LDLRAD4: variants seen among roughly 807,000 people sequenced by gnomAD.
LDLRAD4 encodes the protein low-density lipoprotein receptor class A domain-containing protein 4.
LDLRAD4 carries 5 observed loss-of-function variants against 17.0 expected under a neutral mutation model. That is an observed-to-expected ratio of 0.29 (90% CI 0.15 to 0.62). The LOEUF is 0.62. LDLRAD4 is among the 20% of genes least tolerant of loss of function. LDLRAD4 has a pLI of 0.84. For missense variants in LDLRAD4, 340 were observed against 424.7 expected (o/e 0.80, Z 1.75); for synonymous variants, 168 against 171.8 (o/e 0.98, Z 0.17).
chr18:13,312,438 G>A (rs1260137271), intron 1 of LDLRAD4, among the ~76,000 whole-genome samples: 3 of 152,116 alleles, frequency 2.0e-5, no homozygotes, highest in Admixed American at 2.0e-4. Context: ...AAGGACCACA[G>A]GAAGGCATCA....
intron 3 of LDLRAD4, among the ~76,000 whole-genome samples, chr18:13,441,133 G>T (rs1288325163): frequency 1.3e-5 from 2 of 152,214 alleles, no homozygotes; most frequent in African/African-American, 2.4e-5. Context: ...CTTCCCAGGG[G>T]AGGAGGCCAG....
chr18:13,230,046 C>T (rs192515158), intron 1 of LDLRAD4, among the ~76,000 whole-genome samples: 4 of 152,294 alleles, frequency 2.6e-5, no homozygotes, highest in Admixed American at 2.6e-4. Context: ...TAGTATTGAG[C>T]GATGGGGCTT....
chr18:13,560,307 C>G (rs1021890340), intron 3 of LDLRAD4, among the ~76,000 whole-genome samples: 1 of 152,174 alleles, frequency 6.6e-6, no homozygotes, highest in Non-Finnish European at 1.5e-5. Flanking sequence ...GGAGTCTGTC[C>G]GGCTGCTCAC....
At chr18:13,640,272 A>G (rs2187028) in intron 4 of LDLRAD4, among the ~76,000 whole-genome samples, 2,431 of 136,804 alleles carry the variant, frequency 0.018, 86 homozygotes, top group African/African-American at 0.064. Flanking sequence ...CAGCCTGGGC[A>G]ACAGAGCGAG....
At chr18:13,283,989 G>A (rs1203568437) in intron 1 of LDLRAD4, among the ~76,000 whole-genome samples, 2 of 152,128 alleles carry the variant, frequency 1.3e-5, no homozygotes, top group Non-Finnish European at 2.9e-5. Flanking sequence ...TCACTATCAC[G>A]AGAATGGCAC....
At chr18:13,347,186 G>T (rs564755336) in intron 1 of LDLRAD4, among the ~76,000 whole-genome samples, 3 of 152,248 alleles carry the variant, frequency 2.0e-5, no homozygotes, top group African/African-American at 7.2e-5. Context: ...TTATAATTTG[G>T]CATGTTTTTG....
intron 1 of LDLRAD4, among the ~76,000 whole-genome samples, chr18:13,285,140 G>A (rs185282824): frequency 5.9e-5 from 9 of 152,340 alleles, no homozygotes; most frequent in African/African-American, 1.7e-4. Context: ...GTACAGAAGC[G>A]AAATGTGAAG....
intron 3 of LDLRAD4, among the ~76,000 whole-genome samples, chr18:13,619,301 A>G (rs1010017327): frequency 3.3e-5 from 5 of 152,116 alleles, no homozygotes; most frequent in African/African-American, 4.8e-5. Context: ...GCAGAGTCGA[A>G]GACTGTGTTC....
chr18:13,545,098 C>T (rs2094342118), intron 3 of LDLRAD4, among the ~76,000 whole-genome samples: 1 of 152,130 alleles, frequency 6.6e-6, no homozygotes, highest in South Asian at 2.1e-4. Context: ...AGGTCCTCAG[C>T]TGAGAGAGTG....
Position 13,573,029 on chromosome 18 carries a change from G to C in LDLRAD4, c.182-48088G>C, listed in dbSNP as rs149344383. 6.2e-3 allele frequency among the ~76,000 whole-genome samples: 938 copies of C among 152,358 alleles called. 9 individuals carry two copies. The highest frequency in any genetic ancestry group is 0.018 in the African/African-American group (737 of 41,592). The stretch of plus-strand genomic sequence containing the variant: ...TGTGGATGTTATTAGATGTTGGAAA[G>C]CTGCAGTGTTCATTTGGGAAGGAGT... On this transcript the variant is annotated intron_variant, in intron 3 of 5. Transcript: ENST00000359446.
intron 3 of LDLRAD4, among the ~76,000 whole-genome samples, chr18:13,567,712 AG>A (rs1270619026): frequency 6.6e-6 from 1 of 151,888 alleles, no homozygotes; most frequent in Admixed American, 6.6e-5. Context: ...AAATAGAGAA[AG>A]TTCCCTTTTG....
At chr18:13,260,824 C>T (rs1283317076) in intron 1 of LDLRAD4, among the ~76,000 whole-genome samples, 1 of 152,258 alleles carries the variant, frequency 6.6e-6, no homozygotes, top group Non-Finnish European at 1.5e-5. Context: ...GGGAGCTCAT[C>T]TCTGCTGAAT....
At chr18:13,403,384 G>C (rs954462530) in intron 2 of LDLRAD4, among the ~76,000 whole-genome samples, 2 of 152,210 alleles carry the variant, frequency 1.3e-5, no homozygotes, top group African/African-American at 4.8e-5. Flanking sequence ...CTGGTGCAGT[G>C]TCATAGACTG....
chr18:13,275,442 G>C (rs914850852), upstream of LDLRAD4, among the ~76,000 whole-genome samples: 1 of 152,196 alleles, frequency 6.6e-6, no homozygotes, highest in Admixed American at 6.5e-5. Flanking sequence ...TTGAAATTCA[G>C]AGCTATGGGC....
chr18:13,630,564 C>G (rs2041572611), intron 4 of LDLRAD4, among the ~76,000 whole-genome samples: 1 of 152,150 alleles, frequency 6.6e-6, no homozygotes, highest in Non-Finnish European at 1.5e-5. Flanking sequence ...TACATTCATT[C>G]ACTGGGAGGT....
chr18:13,348,567 C>T (rs1018425083), intron 1 of LDLRAD4, among the ~76,000 whole-genome samples: 3 of 152,276 alleles, frequency 2.0e-5, no homozygotes, highest in Admixed American at 1.3e-4. Context: ...TCTCAAGCGG[C>T]GTGCTGGGAG....
intron 1 of LDLRAD4, among the ~76,000 whole-genome samples, chr18:13,304,709 G>A (rs958506884): frequency 2.6e-5 from 4 of 152,140 alleles, no homozygotes; most frequent in African/African-American, 9.7e-5. Flanking sequence ...CATTTGTTTT[G>A]GTTTCAAATT....
chr18:13,491,511 A>G (rs190144366), intron 3 of LDLRAD4: 16 of 152,334 alleles, frequency 1.1e-4, no homozygotes, highest in African/African-American at 3.8e-4. Flanking sequence ...GATACTTTAT[A>G]TGTTTGAAAT....
chr18:13,431,152 A>G (rs1026828886), intron 2 of LDLRAD4, among the ~76,000 whole-genome samples: 19 of 152,384 alleles, frequency 1.2e-4, no homozygotes, highest in African/African-American at 4.3e-4. Context: ...TATAAAATCC[A>G]CAAGAAACTT....
Sources: allele counts gnomAD v4.1 joint callset (sites outside exome capture counted in the v4.1 genomes callset), GRCh38; gene constraint gnomAD v4.1.1; transcripts MANE v1.5; gene names NCBI Gene and HGNC (gene_info 2026-07-23, HGNC 2026-07-21).